The following LRBA variants were observed in gnomAD, a reference collection of about 807,000 sequenced individuals.
LRBA encodes lipopolysaccharide-responsive and beige-like anchor protein.
LRBA carries 176 observed loss-of-function variants against 330.0 expected under a neutral mutation model. The ratio of observed to expected loss-of-function variants is 0.53; its 90% CI spans 0.47 to 0.60. LRBA has a LOEUF of 0.60. LRBA is among the 20% of genes least tolerant of loss of function. The probability of loss-of-function intolerance (pLI) is 0.00; values close to 1 mark genes in which losing one functional copy is unlikely to be tolerated. For synonymous variants in LRBA, 1,230 were observed against 1,193.0 expected (o/e 1.03, Z -0.64); for missense variants, 3,259 against 3,444.8 (o/e 0.95, Z 1.35).
intron 46 of LRBA, among the ~76,000 whole-genome samples, chr4:150,420,342 ATAT>A (rs1237861990): frequency 6.9e-6 from 1 of 145,656 alleles, no homozygotes; most frequent in African/African-American, 2.5e-5. Flanking sequence ...TATAAAGTAT[ATAT>A]AATACACATT....
At chr4:150,645,585 C>A (rs1053410296) in intron 37 of LRBA, among the ~76,000 whole-genome samples, 3 of 151,792 alleles carry the variant, frequency 2.0e-5, no homozygotes, top group Non-Finnish European at 2.9e-5. Context: ...TGTGGTACTG[C>A]GGAGCTTCTA....
At chr4:150,805,822 A>AC (rs1742709812) in intron 33 of LRBA, among the ~76,000 whole-genome samples, 2 of 152,070 alleles carry the variant, frequency 1.3e-5, no homozygotes, top group Admixed American at 6.6e-5. Flanking sequence ...CCTAGAAGAG[A>AC]CCCAGGAATC....
chr4:150,527,501 C>T (rs1763601478), intron 40 of LRBA, among the ~76,000 whole-genome samples: 1 of 151,954 alleles, frequency 6.6e-6, no homozygotes, highest in South Asian at 2.1e-4. Context: ...AACAAGGGAC[C>T]AATAAGACAA....
chr4:150,629,316 G>C (rs752790489), intron 37 of LRBA, among the ~76,000 whole-genome samples: 1 of 152,114 alleles, frequency 6.6e-6, no homozygotes, highest in Non-Finnish European at 1.5e-5. Flanking sequence ...AAACTACAAC[G>C]GCCCACCAAT....
chr4:150,793,139 A>G (rs987122535), intron 34 of LRBA, among the ~76,000 whole-genome samples: 1 of 151,992 alleles, frequency 6.6e-6, no homozygotes, highest in Non-Finnish European at 1.5e-5. Flanking sequence ...CCCTATCTCA[A>G]CAAAAAAATC....
chr4:150,917,124 G>A (rs1004032555), intron 5 of LRBA, among the ~76,000 whole-genome samples: 1 of 151,600 alleles, frequency 6.6e-6, no homozygotes, highest in Non-Finnish European at 1.5e-5. Context: ...CTGCACTACA[G>A]CCTGGGCGAA....
intron 38 of LRBA, among the ~76,000 whole-genome samples, chr4:150,592,002 A>C (rs1772901571): frequency 6.6e-6 from 1 of 151,944 alleles, no homozygotes; most frequent in Non-Finnish European, 1.5e-5. Context: ...ATCTTTTCCT[A>C]ATCTTTTTTT....
At chr4:150,654,798 G>A (rs956823267) in intron 37 of LRBA, among the ~76,000 whole-genome samples, 4 of 152,044 alleles carry the variant, frequency 2.6e-5, no homozygotes, top group Non-Finnish European at 5.9e-5. Flanking sequence ...GCGGTGTTTG[G>A]TTTTTTGTCC....
chr4:150,434,058 A>G (rs1161348401), intron 46 of LRBA, among the ~76,000 whole-genome samples: 2 of 152,180 alleles, frequency 1.3e-5, no homozygotes, highest in East Asian at 1.9e-4. Context: ...AAAAATTTTT[A>G]AGTACTCTAC....
intron 20 of LRBA, among the ~76,000 whole-genome samples, chr4:150,869,822 A>G (rs556875516): frequency 1.7e-3 from 256 of 152,266 alleles, no homozygotes; most frequent in South Asian, 2.1e-3. Context: ...TGGGAGGTTG[A>G]GGTGGGAAGA....
At chr4:150,963,757 C>T (rs901650184) in intron 2 of LRBA, among the ~76,000 whole-genome samples, 1 of 148,412 alleles carries the variant, frequency 6.7e-6, no homozygotes, top group Non-Finnish European at 1.5e-5. Flanking sequence ...TCTGCCTGGC[C>T]GCCCATCGTC....
intron 36 of LRBA, among the ~76,000 whole-genome samples, chr4:150,732,777 T>C (rs535522152): frequency 4.9e-4 from 75 of 152,202 alleles, no homozygotes; most frequent in African/African-American, 1.8e-3. Context: ...ACTTTCTAAA[T>C]ATCCTACATT....
At chr4:150,800,831 T>A (rs1220236277) in intron 33 of LRBA, among the ~76,000 whole-genome samples, 2 of 152,182 alleles carry the variant, frequency 1.3e-5, no homozygotes, top group Non-Finnish European at 2.9e-5. Flanking sequence ...GTAGAAAATG[T>A]TAGTCTTTTC....
At chr4:150,620,869 T>C (rs1399841668) in intron 37 of LRBA, among the ~76,000 whole-genome samples, 40 of 152,288 alleles carry the variant, frequency 2.6e-4, no homozygotes, top group Non-Finnish European at 2.9e-5. Context: ...GTACACTACT[T>C]GGGTGACTAG....
intron 48 of LRBA, among the ~76,000 whole-genome samples, chr4:150,346,759 A>C (rs1405366915): frequency 7.6e-5 from 2 of 26,352 alleles, no homozygotes; most frequent in African/African-American, 1.9e-4. Flanking sequence ...CTCTGTCTCA[A>C]AAAAAAAAAA....
intron 40 of LRBA, among the ~76,000 whole-genome samples, chr4:150,494,992 T>C (rs1375076339): frequency 2.0e-5 from 3 of 150,618 alleles, no homozygotes; most frequent in Non-Finnish European, 4.4e-5. Flanking sequence ...ACAGCGAGAC[T>C]CTGTCTCAAA....
rs747853596 is a variant in LRBA, at chr4:150,831,839, T to C, written c.4707A>G (p.Glu1569=). The change falls in exon 29 of 57, where the codon GAA becomes GAG. Residue 1569 remains glutamate, a synonymous_variant. Transcript: ENST00000651943. ...TACCAGAGAGTGATACATTCTCATT[T>C]TCACTGCCAGTTTCTGTACATGACT... is the stretch of plus-strand genomic sequence containing the variant. ...HSQSCTETGS[E]NENVSLSEIT... is the part of the protein sequence containing the mutation. The C allele has an allele frequency of 1.9e-6, 3 of 1,598,212 alleles. No homozygotes were observed. The highest frequency in any genetic ancestry group is 2.6e-6 in the Non-Finnish European group (3 of 1,173,118).
chr4:150,712,075 T>C (rs969537736), intron 36 of LRBA, among the ~76,000 whole-genome samples: 9 of 152,212 alleles, frequency 5.9e-5, no homozygotes, highest in Non-Finnish European at 8.8e-5. Context: ...GGACAGGCAG[T>C]ATACTGTAGC....
At chr4:150,453,376 C>T (rs973822627) in intron 44 of LRBA, among the ~76,000 whole-genome samples, 7 of 152,008 alleles carry the variant, frequency 4.6e-5, no homozygotes, top group African/African-American at 7.2e-5. Context: ...CATATATGGC[C>T]GATTGATTTC....
Sources: allele counts gnomAD v4.1 joint callset (sites outside exome capture counted in the v4.1 genomes callset), GRCh38; gene constraint gnomAD v4.1.1; transcripts MANE v1.5; gene names NCBI Gene and HGNC (gene_info 2026-07-23, HGNC 2026-07-21).